The following SLC8A2 variants were observed in gnomAD, a reference collection of about 807,000 sequenced individuals.
SLC8A2 encodes the protein solute carrier family 8 member A2.
In SLC8A2, 14 loss-of-function variants were observed where a neutral mutation model predicts 70.2. That is an observed-to-expected ratio of 0.20 (90% CI 0.13 to 0.31). The LOEUF is 0.31. Among genes scored for constraint, SLC8A2 ranks in the 10% least tolerant of loss-of-function variants. SLC8A2 has a pLI of 1.00. For synonymous variants in SLC8A2, 575 were observed against 594.3 expected (o/e 0.97, Z 0.47); for missense variants, 779 against 1,320.1 (o/e 0.59, Z 6.35).
In SLC8A2 at chr19:47,430,315, G is replaced by A; in HGVS notation, c.2540C>T (p.Pro847Leu). 6.2e-7 allele frequency: 1 copy of A among 1,612,414 alleles called. No homozygotes were observed. Among genetic ancestry groups the A allele is most frequent in the Non-Finnish European group, 8.5e-7 (1 of 1,179,416 alleles). Residue 847 changes from proline (P) to leucine (L), a missense_variant, in exon 10 of 10, where the codon CCC (proline) becomes CTC (leucine). By Grantham distance (98) the Pro-to-Leu change is moderately conservative. Coordinates refer to ENST00000236877, the MANE Select transcript of SLC8A2 (RefSeq NM_015063.3). The surrounding 1 kb of genome is among the most constrained non-coding windows in gnomAD (Gnocchi z 5.9). ...CAGCGTGCCAGTGCGCACCTCGAAG[G>A]GGCGGCCCTGCACCGCCCAGTACAC... ...AAVYWAVQGR[P>L]FEVRTGTLAF...
In SLC8A2 at chr19:47,465,584, G is replaced by T; in HGVS notation, c.675+145C>A. The T allele has an allele frequency of 1.4e-6, 1 of 729,184 alleles. No individual in the cohort carries two copies. The highest frequency in any genetic ancestry group is 2.2e-6 in the Non-Finnish European group (1 of 450,314). 45.2% of individuals were successfully genotyped at this position (729,184 alleles called of 1,614,324 possible). A position where few individuals can be genotyped will look rare whatever the true frequency, so the allele number is the denominator to read the frequency against. On this transcript the variant is annotated intron_variant, in intron 2 of 9. Transcript: ENST00000236877. This position sits in a 1 kb window ranked among gnomAD's most constrained non-coding sequence, Gnocchi z 5.5. ...GCTCAATTCCCTTGTGTAGTCTGGT[G>T]ACCTGCACAACCGTACTTGGCAGCC...
rs1966980461 is a variant in SLC8A2 at position 47,432,689 on chromosome 19, A to C, written c.2111-244T>G. On this transcript the variant is annotated intron_variant, in intron 8 of 9. Coordinates refer to ENST00000236877, the MANE Select transcript of SLC8A2 (RefSeq NM_015063.3). The surrounding 1 kb of genome is among the most constrained non-coding windows in gnomAD (Gnocchi z 6.2). ...ACTTTCCCAGAATCCTTTGGATCTA[A>C]ATATGGCTAAGTCAGCAGTAAAAAC... 1 of 451,826 alleles carries C rather than the reference A, an allele frequency of 2.2e-6. No individual in the cohort carries two copies. The highest frequency in any genetic ancestry group is 5.1e-5 in the South Asian group (1 of 19,784). The allele number at this position is 451,826 out of a possible 1,614,324, so 28.0% of individuals were successfully genotyped here.
chr19:47,460,995 C>T (rs1022613151), intron 2 of SLC8A2, among the ~76,000 whole-genome samples: 2 of 151,792 alleles, frequency 1.3e-5, no homozygotes, highest in African/African-American at 4.8e-5. Flanking sequence ...GGGTGGATCA[C>T]GAGGGCCAAC....
Position 47,447,432 on chromosome 19 carries a change from A to T in SLC8A2, c.1763+377T>A. On this transcript the variant is annotated intron_variant, in intron 4 of 9. Coordinates refer to ENST00000236877, the MANE Select transcript of SLC8A2 (RefSeq NM_015063.3). The surrounding 1 kb of genome is among the most constrained non-coding windows in gnomAD (Gnocchi z 5.1). ...CCTTCCTCCTTGGGGCCCTCTTCTC[A>T]CCTGTCCGGCCACCCTTCTAGGCCT... 1 of 277,136 alleles carries T rather than the reference A, an allele frequency of 3.6e-6. No homozygotes were observed. The highest frequency in any genetic ancestry group is 6.8e-6 in the Non-Finnish European group (1 of 146,170). 17.2% of individuals were successfully genotyped at this position (277,136 alleles called of 1,614,324 possible).
intron 6 of SLC8A2, among the ~76,000 whole-genome samples, chr19:47,440,397 C>T (rs946799611): frequency 2.6e-5 from 4 of 152,186 alleles, no homozygotes; most frequent in Non-Finnish European, 4.4e-5. Flanking sequence ...CTCACAAACC[C>T]AGATCTGATT....
At position 47,453,560 on chromosome 19, in the gene SLC8A2, A is replaced by T. The variant is rs138555281; in HGVS notation, c.1340+3370T>A. Among the ~76,000 whole-genome samples, 28 of 152,318 alleles carry T rather than the reference A, an allele frequency of 1.8e-4. No individual in the cohort carries two copies. In the East Asian group the frequency reaches 3.7e-3, roughly 20 times the overall value. On this transcript the variant is annotated intron_variant, in intron 3 of 9. Transcript: ENST00000236877. ...GGATAGGAAGATGTTGACTCTTCTTAGCCCTTTGGTTCCAGCACTGAACAG... is the reference window on the plus strand; with the variant it reads ...GGATAGGAAGATGTTGACTCTTCTTTGCCCTTTGGTTCCAGCACTGAACAG...
chr19:47,433,435 C>G (rs1966988378), intron 8 of SLC8A2, among the ~76,000 whole-genome samples: 1 of 152,192 alleles, frequency 6.6e-6, no homozygotes, highest in South Asian at 2.1e-4. Flanking sequence ...TTGCCATGTC[C>G]CTGGCTAAAT....
intron 8 of SLC8A2, among the ~76,000 whole-genome samples, chr19:47,436,784 CAA>C (rs1967034614): frequency 6.6e-6 from 1 of 152,134 alleles, no homozygotes; most frequent in African/African-American, 2.4e-5. Context: ...TCAGTGGGTA[CAA>C]GTGTCGTAGT....
Position 47,437,861 on chromosome 19 carries a change from T to C in SLC8A2, c.1998A>G (p.Ser666=). ...NCRLEVIIEE[S]YDFKNTVDKL... The stretch of plus-strand genomic sequence containing the variant: ...CCCGGAAAATCACCTTAAAATCATA[T>C]GACTCCTCGATGATGACCTCCAGCC... The change falls in exon 7 of 10, where the codon TCA becomes TCG. Residue 666 remains serine, a synonymous_variant. Coordinates refer to ENST00000236877, the MANE Select transcript of SLC8A2 (RefSeq NM_015063.3). 2 of 1,614,076 alleles carry C rather than the reference T, an allele frequency of 1.2e-6. No individual in the cohort carries two copies. Among genetic ancestry groups the C allele is most frequent in the Non-Finnish European group, 1.7e-6 (2 of 1,180,000 alleles).
intron 2 of SLC8A2, among the ~76,000 whole-genome samples, chr19:47,460,626 G>T (rs549585938): frequency 3.9e-5 from 6 of 151,984 alleles, no homozygotes; most frequent in African/African-American, 1.4e-4. Flanking sequence ...GAGCCCAGGA[G>T]GGGGAGGTTG....
rs548414869 is a variant in SLC8A2, at chr19:47,454,842, T to C, written c.1340+2088A>G. Among the ~76,000 whole-genome samples, 12 of 152,210 alleles carry C rather than the reference T, an allele frequency of 7.9e-5. No homozygotes were observed. The South Asian group carries it at 2.5e-3, about 32-fold the overall frequency. On this transcript the variant is annotated intron_variant, in intron 3 of 9. Transcript: ENST00000236877. ...GGCTCACGCCTGTAGTCCCAGCACT[T>C]TGGGAGGCCGAGGCGGGTGGATCAC...
At chr19:47,458,465 C>T (rs1200424471) in intron 2 of SLC8A2, among the ~76,000 whole-genome samples, 1 of 134,678 alleles carries the variant, frequency 7.4e-6, no homozygotes, top group Non-Finnish European at 1.6e-5. Flanking sequence ...TTTCCCTCTC[C>T]ATCTTGTTCT....
chr19:47,465,645 C>T lies in SLC8A2; in HGVS notation c.675+84G>A. 1 of 1,163,780 alleles carries T rather than the reference C, an allele frequency of 8.6e-7. No homozygotes were observed. The highest frequency in any genetic ancestry group is 2.0e-4 in the Middle Eastern group (1 of 5,076). The allele number at this position is 1,163,780 out of a possible 1,614,324, so 72.1% of individuals were successfully genotyped here. A position where few individuals can be genotyped will look rare whatever the true frequency, so the allele number is the denominator to read the frequency against. Reference sequence around the variant, plus strand: ...TGAGTGTGCATTTCTGCAAATACAGCAATCAACACTCCAAGCCAAGAGCAC... The same window carrying T: ...TGAGTGTGCATTTCTGCAAATACAGTAATCAACACTCCAAGCCAAGAGCAC... On this transcript the variant is annotated intron_variant, in intron 2 of 9. Coordinates refer to ENST00000236877, the MANE Select transcript of SLC8A2 (RefSeq NM_015063.3). This position sits in a 1 kb window ranked among gnomAD's most constrained non-coding sequence, Gnocchi z 5.5.
intron 7 of SLC8A2, 137 bp from the exon 8 acceptor site, chr19:47,437,698 A>G: frequency 8.6e-7 from 1 of 1,168,408 alleles, no homozygotes; most frequent in South Asian, 1.3e-5. Flanking sequence ...GAAGGCAAGC[A>G]AGGAAAAGGG....
intron 2 of SLC8A2, among the ~76,000 whole-genome samples, chr19:47,458,380 CTCTT>C (rs1409454426): frequency 1.3e-5 from 2 of 149,672 alleles, no homozygotes; most frequent in African/African-American, 2.5e-5. Context: ...CTCTCCCCAC[CTCTT>C]TCTGTCTCTC....
intron 7 of SLC8A2, 136 bp downstream of exon 7, chr19:47,437,713 A>G (rs1160403154): frequency 5.9e-6 from 7 of 1,188,126 alleles, no homozygotes; most frequent in Non-Finnish European, 6.2e-6. Context: ...AAAGGGAGGC[A>G]TGTGCTGTCC....
At position 47,430,955 on chromosome 19, in the gene SLC8A2, C is replaced by T. The variant is rs1966950190; in HGVS notation, c.2390-490G>A. 6.6e-6 allele frequency among the ~76,000 whole-genome samples: 1 copy of T among 151,970 alleles called. No individual in the cohort carries two copies. Among genetic ancestry groups the T allele is most frequent in the Non-Finnish European group, 1.5e-5 (1 of 68,004 alleles). ...GCCAGGCTGGTCTCGAACTCCTGAT[C>T]TGAGGTGATCCACTCGCCTCGGTCT... On this transcript the variant is annotated intron_variant, in intron 9 of 9. Transcript: ENST00000236877. This position sits in a 1 kb window ranked among gnomAD's most constrained non-coding sequence, Gnocchi z 5.9.
chr19:47,451,298 G>A (rs879734812), intron 3 of SLC8A2, among the ~76,000 whole-genome samples: 1 of 150,080 alleles, frequency 6.7e-6, no homozygotes, highest in South Asian at 2.1e-4. Context: ...ATAAGCCACC[G>A]CGCCCAGACC....
chr19:47,450,363 A>C lies in SLC8A2; in HGVS notation c.1341-2132T>G, dbSNP rs141703314. Among the ~76,000 whole-genome samples, 1,349 of 152,270 alleles carry C rather than the reference A, an allele frequency of 8.9e-3. 34 individuals carry two copies. The highest frequency in any genetic ancestry group is 0.031 in the African/African-American group (1,274 of 41,550). ...CACAGTGAAAACCCGTTTCTACTAA[A>C]AATACAAAAATTAGTGGGGTGTAGC... On this transcript the variant is annotated intron_variant, in intron 3 of 9. Coordinates refer to ENST00000236877, the MANE Select transcript of SLC8A2 (RefSeq NM_015063.3).
Sources: allele counts gnomAD v4.1 joint callset (sites outside exome capture counted in the v4.1 genomes callset), GRCh38; gene constraint gnomAD v4.1.1; non-coding constraint Gnocchi (gnomAD v3.1); transcripts MANE v1.5; gene names NCBI Gene and HGNC (gene_info 2026-07-23, HGNC 2026-07-21).